The following SOCS6 variants were observed in gnomAD, a reference collection of about 807,000 sequenced individuals.
The protein encoded by SOCS6 is suppressor of cytokine signaling 6.
Under a neutral mutation model 27.7 loss-of-function variants are expected in SOCS6, and 5 were observed. The observed-to-expected ratio is 0.18, with a 90% CI of 0.09 to 0.38. SOCS6 has a LOEUF of 0.38. SOCS6 is among the 10% of genes least tolerant of loss of function. SOCS6 has a pLI of 1.00. For synonymous variants in SOCS6, 271 were observed against 260.0 expected (o/e 1.04, Z -0.41); for missense variants, 595 against 688.1 (o/e 0.86, Z 1.51).
chr18:70,325,243 A>C lies in SOCS6; in HGVS notation c.575A>C (p.Lys192Thr). Residue 192 changes from lysine (K) to threonine (T), a missense_variant, in exon 2 of 2, where the codon AAG becomes ACG. This residue lies in a region of SOCS6 where 467 missense variants were observed against 481.1 expected (regional missense o/e 0.97). Transcript: ENST00000397942. The surrounding 1 kb of genome is among the most constrained non-coding windows in gnomAD (Gnocchi z 6.3). Reference sequence around the variant, plus strand: ...TGCCAGGAGCAAGCCAATTCACTGAAGAGCTCGGCTTCTCATAATGGAGAC... The same window carrying C: ...TGCCAGGAGCAAGCCAATTCACTGACGAGCTCGGCTTCTCATAATGGAGAC... The part of the protein sequence containing the change: ...TTCQEQANSL[K>T]SSASHNGDLH... 1 of 1,614,168 alleles carries C rather than the reference A, an allele frequency of 6.2e-7. No individual in the cohort carries two copies.
intron 1 of SOCS6, among the ~76,000 whole-genome samples, chr18:70,309,181 T>C (rs1478105592): frequency 6.6e-6 from 1 of 152,254 alleles, no homozygotes; most frequent in Non-Finnish European, 1.5e-5. Context: ...AAACTTTTAT[T>C]TATGAACATT....
intron 1 of SOCS6, among the ~76,000 whole-genome samples, chr18:70,314,410 G>C (rs2062403234): frequency 6.6e-6 from 1 of 152,052 alleles, no homozygotes; most frequent in South Asian, 2.1e-4. Context: ...GTGTAATGTG[G>C]TCCTATAGGA....
chr18:70,326,139 G>C lies in SOCS6; in HGVS notation c.1471G>C (p.Val491Leu). Residue 491 changes from valine (V) to leucine (L), a missense_variant, in exon 2 of 2, where the codon GTG (valine) becomes CTG (leucine). By Grantham distance (32) the Val-to-Leu change is conservative (BLOSUM62 1). Around this residue, in one of 2 missense-constraint regions of SOCS6, gnomAD observed 128 missense variants for 207.0 expected, o/e 0.62. Transcript: ENST00000397942. ...ATYPVRLTNP[V>L]SRFMQVRSLQ... ...TTACCCCGTCAGACTGACCAACCCAGTGTCCCGGTTCATGCAGGTGCGCTC... is the reference window on the plus strand; with the variant it reads ...TTACCCCGTCAGACTGACCAACCCACTGTCCCGGTTCATGCAGGTGCGCTC... The C allele has an allele frequency of 1.2e-6, 2 of 1,614,214 alleles. No individual in the cohort carries two copies. Among genetic ancestry groups the C allele is most frequent in the Middle Eastern group, 1.6e-4 (1 of 6,062 alleles).
chr18:70,311,097 C>T (rs1319391920), intron 1 of SOCS6, among the ~76,000 whole-genome samples: 1 of 152,172 alleles, frequency 6.6e-6, no homozygotes, highest in African/African-American at 2.4e-5. Flanking sequence ...TCCTCCTGGT[C>T]TGAGTTAGGT....
At chr18:70,293,078 G>A (rs723279) in intron 1 of SOCS6, among the ~76,000 whole-genome samples, 29,855 of 151,934 alleles carry the variant, frequency 0.2, 3,113 homozygotes, top group Middle Eastern at 0.28. Flanking sequence ...TGAGGGCAGA[G>A]TGTCTACTGT....
intron 1 of SOCS6, among the ~76,000 whole-genome samples, chr18:70,298,610 A>G (rs1427592488): frequency 2.6e-5 from 4 of 152,286 alleles, no homozygotes; most frequent in African/African-American, 9.6e-5. Flanking sequence ...TACTAGTAGT[A>G]AGTTGGGGTG....
At chr18:70,310,809 C>A (rs1043586490) in intron 1 of SOCS6, among the ~76,000 whole-genome samples, 1 of 152,180 alleles carries the variant, frequency 6.6e-6, no homozygotes, top group Non-Finnish European at 1.5e-5. Context: ...TAAGTGAGTG[C>A]ACATTCAAGT....
At chr18:70,319,494 A>G (rs955775488) in intron 1 of SOCS6, among the ~76,000 whole-genome samples, 18 of 152,090 alleles carry the variant, frequency 1.2e-4, no homozygotes, top group Non-Finnish European at 2.6e-4. Context: ...ACAGAAAGCA[A>G]TGATGGATGA....
At chr18:70,293,143 G>C (rs1183310114) in intron 1 of SOCS6, among the ~76,000 whole-genome samples, 1 of 152,166 alleles carries the variant, frequency 6.6e-6, no homozygotes, top group Non-Finnish European at 1.5e-5. Flanking sequence ...CACTGAGTAG[G>C]AGGGGTGTGG....
intron 1 of SOCS6, among the ~76,000 whole-genome samples, chr18:70,318,615 GT>G (rs1162794677): frequency 5.3e-4 from 78 of 146,230 alleles, no homozygotes; most frequent in East Asian, 3.4e-3. Context: ...TATTATTGTT[GT>G]TTTTTTTTTT....
intron 1 of SOCS6, among the ~76,000 whole-genome samples, chr18:70,311,569 G>C (rs952342262): frequency 6.6e-6 from 1 of 152,094 alleles, no homozygotes; most frequent in African/African-American, 2.4e-5. Flanking sequence ...AAATCGGCTC[G>C]ATGGTTACAG....
intron 1 of SOCS6, among the ~76,000 whole-genome samples, chr18:70,290,155 C>G (rs142241410): frequency 6.6e-6 from 1 of 152,308 alleles, no homozygotes; most frequent in African/African-American, 2.4e-5. Flanking sequence ...ACAGAGAACA[C>G]AGTAATGACA....
rs1484844037 is a variant in SOCS6 at position 70,324,865 on chromosome 18, A to G, written c.197A>G (p.Asn66Ser). 6 of 1,614,184 alleles carry G rather than the reference A, an allele frequency of 3.7e-6. No individual in the cohort carries two copies. The highest frequency in any genetic ancestry group is 3.3e-5 in the Admixed American group (2 of 60,022). The change falls in exon 2 of 2, where the codon AAC (asparagine) becomes AGC (serine). Residue 66 changes from asparagine (N) to serine (S), a missense_variant. Coordinates refer to ENST00000397942, the MANE Select transcript of SOCS6 (RefSeq NM_004232.4). ...GGTGAAGATGAAAAAGGCGGAAAAA[A>G]CAGATCAAAAAGCGAGAGCCTGATG... is the stretch of plus-strand genomic sequence containing the variant. Reference protein sequence around the residue: ...INGEDEKGGKNRSKSESLMGT... With the variant: ...INGEDEKGGKSRSKSESLMGT...
intron 1 of SOCS6, among the ~76,000 whole-genome samples, chr18:70,309,782 C>G (rs111312166): frequency 0.084 from 12,840 of 152,132 alleles, 604 homozygotes; most frequent in Middle Eastern, 0.17. Context: ...CTCCCAGGTT[C>G]AAGTGATTCT....
intron 1 of SOCS6, among the ~76,000 whole-genome samples, chr18:70,293,681 A>G: frequency 6.6e-6 from 1 of 152,124 alleles, no homozygotes; most frequent in East Asian, 1.9e-4. Context: ...ATGCAGATCT[A>G]GGTTTGAATT....
intron 1 of SOCS6, among the ~76,000 whole-genome samples, chr18:70,290,879 C>T (rs1377249775): frequency 6.6e-6 from 1 of 152,192 alleles, no homozygotes; most frequent in Non-Finnish European, 1.5e-5. Context: ...GCAGGGCCTC[C>T]CACCCAAGCG....
chr18:70,316,256 TTTTG>T (rs946416995), intron 1 of SOCS6, among the ~76,000 whole-genome samples: 1 of 152,168 alleles, frequency 6.6e-6, no homozygotes, highest in African/African-American at 2.4e-5. Context: ...ATTAATTTTT[TTTTG>T]TTTGTCCTAT....
At chr18:70,303,822 A>C (rs528801424) in intron 1 of SOCS6, among the ~76,000 whole-genome samples, 1 of 152,298 alleles carries the variant, frequency 6.6e-6, no homozygotes, top group East Asian at 1.9e-4. Context: ...TAAAAAAGAC[A>C]CTTTCAGGCA....
chr18:70,293,919 C>T (rs1198562957), intron 1 of SOCS6, among the ~76,000 whole-genome samples: 4 of 151,798 alleles, frequency 2.6e-5, no homozygotes, highest in African/African-American at 9.7e-5. Context: ...AGTGAAACCC[C>T]GTCTCTACTA....
Sources: gnomAD v4.1 joint callset for allele counts (sites outside exome capture counted in the v4.1 genomes callset) on GRCh38, gnomAD v4.1.1 for gene constraint, gnomAD v4.1.1 regional missense constraint, Gnocchi (gnomAD v3.1) non-coding constraint, MANE v1.5 for transcripts, NCBI Gene and HGNC (gene_info 2026-07-23, HGNC 2026-07-21) for gene names.